Variants in RANBP9 observed in about 807,000 individuals in gnomAD.
RANBP9 encodes the protein RAN binding protein 9.
RANBP9 carries 15 observed loss-of-function variants against 84.3 expected under a neutral mutation model. The ratio of observed to expected loss-of-function variants is 0.18; its 90% confidence interval spans 0.12 to 0.27. The LOEUF (loss-of-function observed/expected upper bound fraction) is 0.27. Ranked by LOEUF, RANBP9 falls within the 10% of genes least tolerant of loss-of-function variation. The probability of loss-of-function intolerance (pLI) is 1.00; values close to 1 mark genes in which losing one functional copy is unlikely to be tolerated. For synonymous variants in RANBP9, 392 were observed against 349.6 expected (o/e 1.12, Z -1.35); for missense variants, 809 against 912.8 (o/e 0.89, Z 1.46).
intron 2 of RANBP9, among the ~76,000 whole-genome samples, chr6:13,669,533 G>C (rs1212181295): frequency 6.6e-6 from 1 of 152,172 alleles, no homozygotes; most frequent in Admixed American, 6.5e-5. Flanking sequence ...CAGACATAGA[G>C]ATCAATGCCA....
At chr6:13,669,714 G>A (rs564907603) in intron 2 of RANBP9, among the ~76,000 whole-genome samples, 23 of 152,152 alleles carry the variant, frequency 1.5e-4, no homozygotes, top group Admixed American at 3.9e-4. Context: ...CTCAGCCCCC[G>A]AGTAGCTGGG....
chr6:13,644,356 A>G (rs750822552), intron 6 of RANBP9, among the ~76,000 whole-genome samples, 189 bp downstream of exon 6: 2 of 152,172 alleles, frequency 1.3e-5, no homozygotes, highest in African/African-American at 2.4e-5. Flanking sequence ...ACGTGTGTCA[A>G]ACAATTGTTT....
intron 12 of RANBP9, among the ~76,000 whole-genome samples, chr6:13,632,118 CTTTTTTTTTTTTTTTTTTTTTTTTTTTTT>C (rs752500098): frequency 5.0e-3 from 372 of 74,958 alleles, no homozygotes; most frequent in African/African-American, 0.013. Flanking sequence ...GGATTTAATC[CTTTTTTTTTTTTTTTTTTTTTTTTTTTTT>C]TTTTTTTTTT....
At chr6:13,694,910 C>T (rs1421733201) in intron 2 of RANBP9, among the ~76,000 whole-genome samples, 1 of 152,114 alleles carries the variant, frequency 6.6e-6, no homozygotes, top group African/African-American at 2.4e-5. Flanking sequence ...TGCAATGTAT[C>T]CCCCACAGAT....
chr6:13,636,880 C>T (rs1764951857), intron 10 of RANBP9, among the ~76,000 whole-genome samples: 1 of 152,058 alleles, frequency 6.6e-6, no homozygotes, highest in African/African-American at 2.4e-5. Flanking sequence ...TACATACAAT[C>T]CTTTCTGCAA....
chr6:13,686,160 A>G (rs926056125), intron 2 of RANBP9, among the ~76,000 whole-genome samples: 3 of 124,902 alleles, frequency 2.4e-5, no homozygotes, highest in African/African-American at 6.1e-5. Flanking sequence ...GCTGGAGTGT[A>G]GTGACAGAAA....
Position 13,622,098 on chromosome 6 carries a change from A to G in RANBP9, c.*264T>C, listed in dbSNP as rs778883743. The stretch of plus-strand genomic sequence containing the variant: ...TTCTTTTAGGTAATTGTTTTAAAGG[A>G]TTTGTGATGATCAATTTGAACGTCT... On this transcript the variant is annotated 3_prime_UTR_variant, in exon 14 of 14. Coordinates refer to ENST00000011619, the MANE Select transcript of RANBP9 (RefSeq NM_005493.3). 9 of 234,844 alleles carry G rather than the reference A, an allele frequency of 3.8e-5. No individual in the cohort carries two copies. The highest frequency in any genetic ancestry group is 6.4e-5 in the Non-Finnish European group (8 of 125,756). 14.5% of individuals were successfully genotyped at this position (234,844 alleles called of 1,614,324 possible).
rs569390772 is a variant in RANBP9, at chr6:13,676,036, G to A, written c.684-17204C>T. On this transcript the variant is annotated intron_variant, in intron 2 of 13. Coordinates refer to ENST00000011619, the MANE Select transcript of RANBP9 (RefSeq NM_005493.3). ...ATGAGAAAGAAGAGGAAGAACTCTG[G>A]TAACTAGATCGAATTGTAGTGTCAA... Among the ~76,000 whole-genome samples the A allele has an allele frequency of 7.2e-5, 11 of 152,064 alleles. No homozygotes were observed. The South Asian group carries it at 2.1e-3, about 29-fold the overall frequency.
chr6:13,653,575 C>G (rs1234506424), intron 4 of RANBP9, among the ~76,000 whole-genome samples: 1 of 152,120 alleles, frequency 6.6e-6, no homozygotes. Context: ...GTCTTGATCA[C>G]TATCTTAAAA....
rs70989878 is a variant in RANBP9, at chr6:13,666,600, C to CAAAAAAAAAAAAAAAAAAAA, written c.684-7788_684-7769dup. Among the ~76,000 whole-genome samples, 22 of 43,696 alleles carry CAAAAAAAAAAAAAAAAAAAA rather than the reference C, an allele frequency of 5.0e-4. 1 individual carries two copies. The highest frequency in any genetic ancestry group is 1.4e-3 in the Admixed American group (4 of 2,804). The allele number at this position is 43,696 out of a possible 152,430, so 28.7% of individuals were successfully genotyped here. A position where few individuals can be genotyped will look rare whatever the true frequency, so the allele number is the denominator to read the frequency against. ...AGACCAGCCTGGGACCCCGTCTCTC[C>CAAAAAAAAAAAAAAAAAAAA]AAAAAAAAAAAAAAAAAAAAAAAAA... is the stretch of plus-strand genomic sequence containing the variant. On this transcript the variant is annotated intron_variant, in intron 2 of 13. Transcript: ENST00000011619.
chr6:13,668,130 A>C (rs944976534), intron 2 of RANBP9, among the ~76,000 whole-genome samples: 5 of 152,098 alleles, frequency 3.3e-5, no homozygotes, highest in African/African-American at 1.2e-4. Flanking sequence ...ATTACTACTA[A>C]ACTAAAAAGG....
intron 11 of RANBP9, 72 bp downstream of exon 11, chr6:13,634,359 A>G (rs1457050306): frequency 5.2e-6 from 8 of 1,525,914 alleles, no homozygotes; most frequent in African/African-American, 1.4e-5. Flanking sequence ...TCAGCTGTGA[A>G]TCAGTACAAG....
intron 1 of RANBP9, among the ~76,000 whole-genome samples, chr6:13,698,293 T>A (rs1357667093): frequency 1.3e-5 from 2 of 152,218 alleles, no homozygotes. Flanking sequence ...GAAGCAACAG[T>A]ATTTACATGC....
chr6:13,702,846 T>C (rs1391752771), intron 1 of RANBP9, among the ~76,000 whole-genome samples: 2 of 152,178 alleles, frequency 1.3e-5, no homozygotes, highest in Non-Finnish European at 2.9e-5. Flanking sequence ...TTTCATTTAC[T>C]CTTTCAACCC....
intron 2 of RANBP9, among the ~76,000 whole-genome samples, chr6:13,668,240 A>G (rs1765696018): frequency 1.3e-5 from 2 of 152,146 alleles, no homozygotes; most frequent in South Asian, 4.1e-4. Flanking sequence ...GAAACTGCAT[A>G]GTAATTTTAA....
In RANBP9 at chr6:13,655,434, T is replaced by TACA. The variant is rs1230591563; in HGVS notation, c.904+1674_904+1675insTGT. ...CTGAGCCGAGATCACATCACTGTAC[T>TACA]CCTGCCTTGGCGACAGAAGGACATT... On this transcript the variant is annotated intron_variant, in intron 4 of 13. Coordinates refer to ENST00000011619, the MANE Select transcript of RANBP9 (RefSeq NM_005493.3). 1.1e-4 allele frequency among the ~76,000 whole-genome samples: 17 copies of TACA among 152,208 alleles called. No individual in the cohort carries two copies. In the South Asian group the frequency reaches 2.5e-3, roughly 22 times the overall value.
At chr6:13,709,596 A>G (rs765911969) in intron 1 of RANBP9, among the ~76,000 whole-genome samples, 2 of 152,242 alleles carry the variant, frequency 1.3e-5, no homozygotes, top group Non-Finnish European at 2.9e-5. Flanking sequence ...CAAAGATTTG[A>G]TATTGTGAAT....
At chr6:13,629,515 G>A (rs1197345224) in intron 12 of RANBP9, among the ~76,000 whole-genome samples, 2 of 152,130 alleles carry the variant, frequency 1.3e-5, no homozygotes, top group East Asian at 3.9e-4. Flanking sequence ...ACATCATTTA[G>A]GTAGGATTTT....
intron 2 of RANBP9, among the ~76,000 whole-genome samples, chr6:13,681,299 G>A (rs891248032): frequency 6.6e-6 from 1 of 150,460 alleles, no homozygotes; most frequent in Admixed American, 6.7e-5. Flanking sequence ...CAACAAGAGA[G>A]AGTTTGGCGT....
Sources: gnomAD v4.1 joint callset for allele counts (sites outside exome capture counted in the v4.1 genomes callset) on GRCh38, gnomAD v4.1.1 for gene constraint, MANE v1.5 for transcripts, NCBI Gene and HGNC (gene_info 2026-07-23, HGNC 2026-07-21) for gene names.